Variants in ZNF846 observed in about 807,000 individuals in gnomAD.
ZNF846 encodes zinc finger protein 420 pseudogene.
ZNF846 carries 15 observed loss-of-function variants against 16.0 expected under a neutral mutation model. The ratio of observed to expected loss-of-function variants is 0.94; its 90% confidence interval spans 0.63 to 1.45. ZNF846 has a LOEUF of 1.45. Among genes scored for constraint, ZNF846 ranks in the 40% most tolerant of loss-of-function variants. The pLI is 0.00. For synonymous variants in ZNF846, 229 were observed against 212.0 expected (o/e 1.08, Z -0.70); for missense variants, 714 against 622.3 (o/e 1.15, Z -1.57).
At chr19:9,759,321 G>A (rs1041577952) in intron 5 of ZNF846, among the ~76,000 whole-genome samples, 2 of 151,656 alleles carry the variant, frequency 1.3e-5, no homozygotes, top group Admixed American at 6.6e-5. Flanking sequence ...TAAATTATGG[G>A]CTGGGCACAG....
intron 4 of ZNF846, 52 bp downstream of exon 4, chr19:9,762,030 C>G (rs2045239078): frequency 6.8e-7 from 1 of 1,461,674 alleles, no homozygotes; most frequent in Admixed American, 1.7e-5. Context: ...TACTGCATGT[C>G]TCCTAGGGTG....
At chr19:9,785,389 G>A (rs893308462) in intron 1 of ZNF846, among the ~76,000 whole-genome samples, 1 of 151,672 alleles carries the variant, frequency 6.6e-6, no homozygotes, top group African/African-American at 2.4e-5. Context: ...GTAGAGATGG[G>A]GTTTCACCAT....
chr19:9,773,768 C>T (rs905152493), intron 1 of ZNF846, among the ~76,000 whole-genome samples: 3 of 151,270 alleles, frequency 2.0e-5, no homozygotes, highest in Admixed American at 1.3e-4. Context: ...GGCGACAGAG[C>T]GAAACTCCAT....
At chr19:9,774,945 G>A in intron 1 of ZNF846, 1 of 1,609,404 alleles carries the variant, frequency 6.2e-7, no homozygotes, top group Non-Finnish European at 8.5e-7. Context: ...TATGGGGAAA[G>A]TGACCTGTGG....
At chr19:9,753,038 C>T (rs866523941), downstream of ZNF846, among the ~76,000 whole-genome samples, 211 of 151,548 alleles carry the variant, frequency 1.4e-3, 8 homozygotes, top group African/African-American at 5.0e-3. Context: ...CACAGAGAGC[C>T]ATCTTCTTGA....
chr19:9,758,734 C>T (rs766004016), exon 6 of ZNF846: 1 of 1,585,834 alleles, frequency 6.3e-7, no homozygotes, highest in Non-Finnish European at 8.6e-7. Context: ...TGGTTAGAGT[C>T]ATACAGTTTC....
chr19:9,754,110 A>T (rs193057403), downstream of ZNF846, among the ~76,000 whole-genome samples: 469 of 151,682 alleles, frequency 3.1e-3, 4 homozygotes, highest in Admixed American at 5.4e-3. Flanking sequence ...TTTACCTTCT[A>T]TCAGTATATA....
At chr19:9,752,761 G>C (rs1330207728), downstream of ZNF846, among the ~76,000 whole-genome samples, 1 of 149,032 alleles carries the variant, frequency 6.7e-6, no homozygotes, top group Admixed American at 6.7e-5. Context: ...ATCCTTTCCA[G>C]CACTTTTCTT....
At chr19:9,775,809 C>T (rs2045435117) in intron 1 of ZNF846, among the ~76,000 whole-genome samples, 1 of 152,232 alleles carries the variant, frequency 6.6e-6, no homozygotes, top group Middle Eastern at 3.4e-3. Context: ...ACCGAGGACA[C>T]GAGCTGTTCC....
intron 4 of ZNF846, among the ~76,000 whole-genome samples, chr19:9,761,384 C>T (rs558834920): frequency 7.3e-5 from 11 of 151,644 alleles, no homozygotes; most frequent in African/African-American, 2.7e-4. Context: ...GAAAGATGGA[C>T]TATAAAGAGT....
rs2045304277 is a variant in ZNF846, at chr19:9,765,688, A to G, written c.-85-653T>C. ...ACTCCATCTCAAAACAAACAAACAA[A>G]CAAACAAATAAAGCATTTCCATACC... On this transcript the variant is annotated intron_variant, in intron 1 of 5. Transcript: ENST00000397902. 3.3e-5 allele frequency among the ~76,000 whole-genome samples: 5 copies of G among 152,098 alleles called. 1 individual carries two copies. In the South Asian group the frequency reaches 1.0e-3, roughly 32 times the overall value.
At chr19:9,782,711 G>T (rs1186282168) in intron 1 of ZNF846, among the ~76,000 whole-genome samples, 2 of 152,174 alleles carry the variant, frequency 1.3e-5, no homozygotes, top group African/African-American at 4.8e-5. Flanking sequence ...ACTTTGATAT[G>T]TGTCTGTTAC....
chr19:9,769,586 A>G (rs545565138), upstream of ZNF846, among the ~76,000 whole-genome samples: 12 of 152,056 alleles, frequency 7.9e-5, no homozygotes, highest in East Asian at 1.9e-3. Context: ...AGGGATATAA[A>G]CATATTTACA....
chr19:9,774,191 G>A (rs1262627729), intron 1 of ZNF846, among the ~76,000 whole-genome samples: 1 of 151,962 alleles, frequency 6.6e-6, no homozygotes, highest in Admixed American at 6.6e-5. Context: ...ATCCCAGGCC[G>A]GGCGCAGTGT....
At chr19:9,763,539 A>G (rs1041212962) in intron 2 of ZNF846, 131 bp from the exon 3 acceptor site, 1 of 736,326 alleles carries the variant, frequency 1.4e-6, no homozygotes, top group Non-Finnish European at 2.1e-6. Context: ...TCTCCTCTAT[A>G]TAGATATTGT....
downstream of ZNF846, among the ~76,000 whole-genome samples, chr19:9,754,563 TTAAAAAAAAAA>T (rs2045115632): frequency 1.2e-5 from 1 of 83,790 alleles, no homozygotes. Context: ...AGACTCTGTC[TTAAAAAAAAAA>T]AAAAAAAAAA....
downstream of ZNF846, among the ~76,000 whole-genome samples, chr19:9,755,067 T>C (rs894280754): frequency 6.6e-6 from 1 of 151,334 alleles, no homozygotes; most frequent in Non-Finnish European, 1.5e-5. Context: ...GGTTTCACCA[T>C]GTTAGCCAGG....
chr19:9,750,942 A>G (rs1290760632), downstream of ZNF846, among the ~76,000 whole-genome samples: 2 of 152,138 alleles, frequency 1.3e-5, no homozygotes, highest in Non-Finnish European at 2.9e-5. Context: ...GTGTTTGTTT[A>G]ACTTTAATCA....
At chr19:9,748,875 C>T (rs993442536), downstream of ZNF846, among the ~76,000 whole-genome samples, 1 of 152,152 alleles carries the variant, frequency 6.6e-6, no homozygotes, top group African/African-American at 2.4e-5. Flanking sequence ...AGTCCTCCAG[C>T]AGGCTAGACA....
Sources: gnomAD v4.1 joint callset for allele counts (sites outside exome capture counted in the v4.1 genomes callset) on GRCh38, gnomAD v4.1.1 for gene constraint, MANE v1.5 for transcripts, NCBI Gene and HGNC (gene_info 2026-07-23, HGNC 2026-07-21) for gene names.